ACO1: variants seen among roughly 807,000 people sequenced by gnomAD.
ACO1 encodes the protein aconitase 1.
ACO1 carries 78 observed loss-of-function variants against 105.1 expected under a neutral mutation model. The observed-to-expected ratio is 0.74, with a 90% CI of 0.62 to 0.90. The LOEUF (loss-of-function observed/expected upper bound fraction) is 0.90, where lower values mean the gene tolerates loss of function less well. Ranked by LOEUF, ACO1 falls within the 40% of genes least tolerant of loss-of-function variation. ACO1 has a pLI of 0.00. For synonymous variants in ACO1, 364 were observed against 397.4 expected (o/e 0.92, Z 1.00); for missense variants, 965 against 1,111.1 (o/e 0.87, Z 1.87).
intron 18 of ACO1, among the ~76,000 whole-genome samples, chr9:32,437,669 A>G (rs1822391397): frequency 6.6e-6 from 1 of 152,206 alleles, no homozygotes; most frequent in Non-Finnish European, 1.5e-5. Flanking sequence ...ATCAAGGATG[A>G]ACAGACATTT....
Position 32,433,750 on chromosome 9 carries a change from C to A in ACO1, c.1874C>A (p.Ala625Asp), listed in dbSNP as rs1563944439. Reference sequence around the variant, plus strand: ...AAGACTGTGAATGAAAGCTGGAATGCCTTAGCAACCCCATCAGATAAGCTG... The same window carrying A: ...AAGACTGTGAATGAAAGCTGGAATGACTTAGCAACCCCATCAGATAAGCTG... ...KIETVNESWN[A>D]LATPSDKLFF... The change falls in exon 16 of 21, where the codon GCC becomes GAC. Residue 625 changes from alanine to aspartate, a missense_variant. Ala to Asp is a moderately radical substitution (Grantham distance 126). Transcript: ENST00000309951. 1 of 1,611,864 alleles carries A rather than the reference C, an allele frequency of 6.2e-7. No homozygotes were observed. The highest frequency in any genetic ancestry group is 2.2e-5 in the East Asian group (1 of 44,832).
intron 19 of ACO1, chr9:32,445,706 A>T (rs1021709699): frequency 1.4e-5 from 3 of 216,460 alleles, no homozygotes; most frequent in Non-Finnish European, 2.9e-5. Context: ...CTGTGATGTT[A>T]GGATGTCGAT....
chr9:32,442,811 A>G (rs970790267), intron 19 of ACO1, among the ~76,000 whole-genome samples: 3 of 152,164 alleles, frequency 2.0e-5, no homozygotes, highest in East Asian at 3.8e-4. Context: ...CATGGGTCCA[A>G]TTACCAGATA....
intron 1 of ACO1, 95 bp downstream of exon 1, chr9:32,384,830 C>A: frequency 4.0e-6 from 1 of 246,964 alleles, no homozygotes. Flanking sequence ...CCGAGGTGCC[C>A]GAGGCAGTGG....
At chr9:32,415,370 A>G (rs1336950812) in intron 4 of ACO1, among the ~76,000 whole-genome samples, 1 of 152,236 alleles carries the variant, frequency 6.6e-6, no homozygotes, top group African/African-American at 2.4e-5. Flanking sequence ...TATTTCTGGA[A>G]TAAATATCTT....
intron 1 of ACO1, among the ~76,000 whole-genome samples, chr9:32,386,680 G>A (rs1821162866): frequency 6.6e-6 from 1 of 152,216 alleles, no homozygotes; most frequent in South Asian, 2.1e-4. Context: ...CACAGGTGAG[G>A]AGGAGGAGAA....
chr9:32,440,397 G>A (rs1041766428), intron 18 of ACO1, 68 bp from the exon 19 acceptor site: 3 of 1,601,282 alleles, frequency 1.9e-6, no homozygotes, highest in Non-Finnish European at 2.6e-6. Flanking sequence ...CCCTCACCAG[G>A]GCTCAGGGGA....
chr9:32,399,486 A>G, intron 1 of ACO1, among the ~76,000 whole-genome samples: 1 of 152,360 alleles, frequency 6.6e-6, no homozygotes, highest in African/African-American at 2.4e-5. Flanking sequence ...AAATTGGTAC[A>G]GCCTTTTCCA....
chr9:32,450,041 C>G lies in ACO1; in HGVS notation c.2600C>G (p.Thr867Ser). ...KTFQAVMRFD[T>S]DVELTYFLNG... ...TTCCAGGCTGTCATGAGGTTTGACA[C>G]TGATGTGGAGCTCACTTATTTCCTC... Residue 867 changes from threonine (T) to serine (S), a missense_variant, in exon 21 of 21, where the codon ACT (threonine) becomes AGT (serine). Physicochemically the swap from Thr to Ser is moderately conservative, Grantham distance 58. Coordinates refer to ENST00000309951, the MANE Select transcript of ACO1 (RefSeq NM_002197.3). The G allele has an allele frequency of 6.2e-7, 1 of 1,614,114 alleles. No individual in the cohort carries two copies. Among genetic ancestry groups the G allele is most frequent in the Non-Finnish European group, 8.5e-7 (1 of 1,180,028 alleles).
At chr9:32,395,407 C>T (rs1345205522) in intron 1 of ACO1, among the ~76,000 whole-genome samples, 1 of 152,136 alleles carries the variant, frequency 6.6e-6, no homozygotes, top group Non-Finnish European at 1.5e-5. Context: ...ACCTGGGGGG[C>T]AGAGGTTGCA....
chr9:32,427,115 C>T (rs1047056105), intron 11 of ACO1, among the ~76,000 whole-genome samples, 186 bp from the exon 12 acceptor site: 1 of 152,084 alleles, frequency 6.6e-6, no homozygotes, highest in African/African-American at 2.4e-5. Flanking sequence ...TCTAAATGAC[C>T]GTTGGCCAGG....
chr9:32,398,589 T>G (rs1682267057), intron 1 of ACO1, among the ~76,000 whole-genome samples: 1 of 151,496 alleles, frequency 6.6e-6, no homozygotes, highest in African/African-American at 2.4e-5. Flanking sequence ...TTTTTTTTGT[T>G]TGTTTGTTTT....
intron 1 of ACO1, among the ~76,000 whole-genome samples, chr9:32,387,040 C>T (rs890675336): frequency 6.6e-6 from 1 of 152,196 alleles, no homozygotes; most frequent in African/African-American, 2.4e-5. Flanking sequence ...AGAAACCAGT[C>T]CCACACTGTG....
intron 2 of ACO1, among the ~76,000 whole-genome samples, chr9:32,406,149 A>G (rs1005710566): frequency 6.6e-6 from 1 of 152,234 alleles, no homozygotes; most frequent in African/African-American, 2.4e-5. Flanking sequence ...AACTCCAGTT[A>G]CCACTGGCCA....
At chr9:32,443,867 G>A (rs1050865055) in intron 19 of ACO1, among the ~76,000 whole-genome samples, 1 of 152,070 alleles carries the variant, frequency 6.6e-6, no homozygotes, top group Admixed American at 6.6e-5. Flanking sequence ...AAGTTCTGGG[G>A]TACATGTGCA....
chr9:32,405,355 G>T, intron 1 of ACO1, 130 bp from the exon 2 acceptor site: 1 of 607,048 alleles, frequency 1.6e-6, no homozygotes, highest in South Asian at 2.2e-5. Context: ...TTAAAGTTCA[G>T]TGTGTACATA....
chr9:32,404,156 C>T (rs1484487372), intron 1 of ACO1, among the ~76,000 whole-genome samples: 1 of 152,068 alleles, frequency 6.6e-6, no homozygotes, highest in Non-Finnish European at 1.5e-5. Flanking sequence ...GCACTTTATC[C>T]TATATGCACT....
intron 1 of ACO1, among the ~76,000 whole-genome samples, chr9:32,398,761 T>G (rs1371228048): frequency 6.6e-6 from 1 of 151,976 alleles, no homozygotes; most frequent in African/African-American, 2.4e-5. Flanking sequence ...GACTGGCTAA[T>G]TTTTTCACTT....
At position 32,451,178 on chromosome 9, in the gene ACO1, C is replaced by T. The variant is rs1348545328; in HGVS notation, c.*1067C>T. Reference sequence around the variant, plus strand: ...GGCATGCCTTAGTTTGCTTGGGTTGCTATAATGTAATGCCATAGACTGGCT... The same window carrying T: ...GGCATGCCTTAGTTTGCTTGGGTTGTTATAATGTAATGCCATAGACTGGCT... On this transcript the variant is annotated 3_prime_UTR_variant, in exon 21 of 21. Coordinates refer to ENST00000309951, the MANE Select transcript of ACO1 (RefSeq NM_002197.3). 1.3e-5 allele frequency: 2 copies of T among 152,104 alleles called. No individual in the cohort carries two copies. Among genetic ancestry groups the T allele is most frequent in the African/African-American group, 4.8e-5 (2 of 41,414 alleles). 9.4% of individuals were successfully genotyped at this position (152,104 alleles called of 1,614,324 possible).
Sources: allele counts gnomAD v4.1 joint callset (sites outside exome capture counted in the v4.1 genomes callset), GRCh38; gene constraint gnomAD v4.1.1; transcripts MANE v1.5; gene names NCBI Gene and HGNC (gene_info 2026-07-23, HGNC 2026-07-21).